MAU2: variants seen among roughly 807,000 people sequenced by gnomAD.
MAU2 encodes the protein MAU2 chromatid cohesion factor homolog.
MAU2 carries 9 observed loss-of-function variants against 89.1 expected under a neutral mutation model. That is an observed-to-expected ratio of 0.10 (90% CI 0.06 to 0.18). The LOEUF (loss-of-function observed/expected upper bound fraction) is 0.18. Among genes scored for constraint, MAU2 ranks in the 10% least tolerant of loss-of-function variants. The pLI, the probability that MAU2 is intolerant of heterozygous loss-of-function variation, is 1.00. For synonymous variants in MAU2, 357 were observed against 343.4 expected (o/e 1.04, Z -0.44); for missense variants, 425 against 803.5 (o/e 0.53, Z 5.69).
Position 19,345,250 on chromosome 19 carries a change from A to C in MAU2, c.1156-54A>C. 6.5e-7 allele frequency: 1 copy of C among 1,527,724 alleles called. No individual in the cohort carries two copies. Among genetic ancestry groups the C allele is most frequent in the East Asian group, 2.3e-5 (1 of 44,258 alleles). 94.6% of individuals were successfully genotyped at this position (1,527,724 alleles called of 1,614,324 possible). A position where few individuals can be genotyped will look rare whatever the true frequency, so the allele number is the denominator to read the frequency against. ...GCCCCGGGCACACCACGTGTCTCTG[A>C]TCTGAGCCCCCTCCCCAGGGGCCGG... On this transcript the variant is annotated intron_variant, in intron 11 of 18. Transcript: ENST00000262815. The surrounding 1 kb of genome is among the most constrained non-coding windows in gnomAD (Gnocchi z 4.9).
intron 1 of MAU2, among the ~76,000 whole-genome samples, chr19:19,332,892 C>T (rs1017580539): frequency 1.3e-5 from 2 of 152,044 alleles, no homozygotes; most frequent in Admixed American, 6.6e-5. Flanking sequence ...GCCTGACCAA[C>T]GTAGAGAAAC....
chr19:19,333,422 G>T (rs188094328), intron 1 of MAU2, among the ~76,000 whole-genome samples: 8 of 152,284 alleles, frequency 5.3e-5, no homozygotes, highest in Admixed American at 2.0e-4. Context: ...GGAGGTCAAG[G>T]CTGCAGTGAG....
At chr19:19,331,860 C>G (rs1002623501) in intron 1 of MAU2, among the ~76,000 whole-genome samples, 3 of 152,230 alleles carry the variant, frequency 2.0e-5, no homozygotes, top group Non-Finnish European at 4.4e-5. Flanking sequence ...CCCATACTGC[C>G]CTTCAGGAAT....
Position 19,341,539 on chromosome 19 carries a change from C to T in MAU2, c.735+132C>T, listed in dbSNP as rs911749288. 1.4e-5 allele frequency: 15 copies of T among 1,074,888 alleles called. No homozygotes were observed. In the African/African-American group the frequency reaches 2.0e-4, roughly 15 times the overall value. The allele number at this position is 1,074,888 out of a possible 1,614,324, so 66.6% of individuals were successfully genotyped here. ...TTGCCACACAACAGGGCTGTCATAC[C>T]AGTCCCGGACACACACACTCCTGTC... On this transcript the variant is annotated intron_variant, in intron 7 of 18. Transcript: ENST00000262815.
chr19:19,345,028 G>C lies in MAU2; in HGVS notation c.1155+102G>C, dbSNP rs2061681956. 1 of 1,057,786 alleles carries C rather than the reference G, an allele frequency of 9.5e-7. No homozygotes were observed. The highest frequency in any genetic ancestry group is 1.4e-6 in the Non-Finnish European group (1 of 701,268). 65.5% of individuals were successfully genotyped at this position (1,057,786 alleles called of 1,614,324 possible). A position where few individuals can be genotyped will look rare whatever the true frequency, so the allele number is the denominator to read the frequency against. On this transcript the variant is annotated intron_variant, in intron 11 of 18. Transcript: ENST00000262815. The surrounding 1 kb of genome is among the most constrained non-coding windows in gnomAD (Gnocchi z 4.9). ...ATTCCCAGTGAAGGACCCCCTGACA[G>C]CACCCTAATCAGAATCCGGAATGTT... is the stretch of plus-strand genomic sequence containing the variant.
At chr19:19,354,694 G>C (rs2048157551) in intron 17 of MAU2, 1 of 536,414 alleles carries the variant, frequency 1.9e-6, no homozygotes, top group Non-Finnish European at 3.4e-6. Context: ...CTTGGTATCT[G>C]GTAGACTTGG....
rs143711701 is a variant in MAU2, at chr19:19,329,160, G to C, written c.277-6558G>C. 523 of 455,136 alleles carry C rather than the reference G, an allele frequency of 1.1e-3. 5 individuals carry two copies. The highest frequency in any genetic ancestry group is 9.9e-3 in the African/African-American group (494 of 50,080). 28.2% of individuals were successfully genotyped at this position (455,136 alleles called of 1,614,324 possible). ...TGAGCCTCTCCTCATCAGGCCCAGC[G>C]TAAGCAGTTCTTTCATTCTTCAGGA... is the stretch of plus-strand genomic sequence containing the variant. On this transcript the variant is annotated intron_variant, in intron 1 of 18. Transcript: ENST00000262815.
At chr19:19,341,061 C>G (rs764423654) in intron 6 of MAU2, among the ~76,000 whole-genome samples, 188 bp downstream of exon 6, 4 of 152,210 alleles carry the variant, frequency 2.6e-5, no homozygotes, top group Non-Finnish European at 4.4e-5. Context: ...GAAACTCAGG[C>G]TGCACCCTAT....
chr19:19,335,718 T>C lies in MAU2; in HGVS notation c.277T>C (p.Trp93Arg). The C allele has an allele frequency of 6.2e-7, 1 of 1,614,132 alleles. No individual in the cohort carries two copies. The highest frequency in any genetic ancestry group is 8.5e-7 in the Non-Finnish European group (1 of 1,179,978). ...AATCGTTGTTTTCTTTCTTTTTCAG[T>C]GGTTGATATCACAGCAAGTATCCTT... is the stretch of plus-strand genomic sequence containing the variant. ...EQARSHLEKAWLISQQIPQFE... is the reference protein window; with the variant it reads ...EQARSHLEKARLISQQIPQFE... Residue 93 changes from tryptophan (W) to arginine (R), a missense_variant and splice_region_variant, in exon 2 of 19, where the codon TGG becomes CGG. Coordinates refer to ENST00000262815, the MANE Select transcript of MAU2 (RefSeq NM_015329.4).
At position 19,345,125 on chromosome 19, in the gene MAU2, C is replaced by T; in HGVS notation, c.1156-179C>T. 4.2e-6 allele frequency: 3 copies of T among 721,398 alleles called. No individual in the cohort carries two copies. The South Asian group carries it at 5.1e-5, about 12-fold the overall frequency. The allele number at this position is 721,398 out of a possible 1,614,324, so 44.7% of individuals were successfully genotyped here. ...CCAGTGAGCATCTTGTCCCACCCCA[C>T]ATTGGCTTGGGTCTGAAAGGTGGGG... On this transcript the variant is annotated intron_variant, in intron 11 of 18. Coordinates refer to ENST00000262815, the MANE Select transcript of MAU2 (RefSeq NM_015329.4). The surrounding 1 kb of genome is among the most constrained non-coding windows in gnomAD (Gnocchi z 4.9).
chr19:19,349,364 G>A lies in MAU2; in HGVS notation c.1476G>A (p.Glu492=), dbSNP rs1159847439. Residue 492 remains glutamate, a synonymous_variant, in exon 16 of 19, where the codon GAG becomes GAA. Transcript: ENST00000262815. ...AAACTCTGAAGATGTCCAATGCTGA[G>A]GACCTGAACCGGCTCACAGCCTGCT... ...LRETLKMSNA[E]DLNRLTACSL... is the part of the protein sequence containing the mutation. 6.2e-7 allele frequency: 1 copy of A among 1,614,198 alleles called. No homozygotes were observed. The highest frequency in any genetic ancestry group is 1.3e-5 in the African/African-American group (1 of 75,068).
chr19:19,338,809 T>G (rs1245226763), intron 4 of MAU2, 36 bp from the exon 5 acceptor site: 1 of 1,534,710 alleles, frequency 6.5e-7, no homozygotes, highest in East Asian at 2.3e-5. Context: ...ACTGATGGGT[T>G]TGGCAGCAAA....
chr19:19,337,399 A>C, intron 4 of MAU2, 134 bp downstream of exon 4: 1 of 664,540 alleles, frequency 1.5e-6, no homozygotes, highest in Non-Finnish European at 2.7e-6. Context: ...GTAGGTGGGG[A>C]CATGGGAACA....
intron 7 of MAU2, 21 bp downstream of exon 7, chr19:19,341,428 G>A (rs377206741): frequency 6.2e-6 from 10 of 1,612,472 alleles, no homozygotes; most frequent in South Asian, 5.5e-5. Context: ...CCTCTCAGGC[G>A]AGCTGCTGGT....
At chr19:19,339,187 C>T (rs914229013) in intron 5 of MAU2, among the ~76,000 whole-genome samples, 5 of 152,178 alleles carry the variant, frequency 3.3e-5, no homozygotes, top group African/African-American at 9.7e-5. Context: ...CAGTGGCTTA[C>T]GCCTGTAATC....
At position 19,320,923 on chromosome 19, in the gene MAU2, G is replaced by A. The variant is rs760711935; in HGVS notation, c.64G>A (p.Ala22Thr). 6 of 1,562,270 alleles carry A rather than the reference G, an allele frequency of 3.8e-6. No individual in the cohort carries two copies. The highest frequency in any genetic ancestry group is 1.9e-5 in the Admixed American group (1 of 52,558). ...GGCCCAGGCTGCGCAGGCCGAGGCG[G>A]CCGACTCGTGGTACCTGGCGCTTCT... ...AAAQAAQAEA[A>T]DSWYLALLGF... is the part of the protein sequence containing the mutation. The change falls in exon 1 of 19, where the codon GCC (alanine) becomes ACC (threonine). Residue 22 changes from alanine to threonine, a missense_variant. This residue lies in a region of MAU2 where 61 missense variants were observed against 40.1 expected (regional missense o/e 1.52). Coordinates refer to ENST00000262815, the MANE Select transcript of MAU2 (RefSeq NM_015329.4).
rs1214844931 is a variant in MAU2 at position 19,320,868 on chromosome 19, T to TCAGGCGGCGGCAGCGGCC, written c.21_38dup (p.Ala9_Ala14dup). On this transcript the variant is annotated inframe_insertion, in exon 1 of 19. Coordinates refer to ENST00000262815, the MANE Select transcript of MAU2 (RefSeq NM_015329.4). ...TTGTTGTGGAGGCCAAAATGGCGGC[T>TCAGGCGGCGGCAGCGGCC]CAGGCGGCGGCAGCGGCCCAGGCGG... 26 of 1,518,600 alleles carry TCAGGCGGCGGCAGCGGCC rather than the reference T, an allele frequency of 1.7e-5. No individual in the cohort carries two copies. The highest frequency in any genetic ancestry group is 5.7e-5 in the African/African-American group (4 of 69,678). The allele number at this position is 1,518,600 out of a possible 1,614,324, so 94.1% of individuals were successfully genotyped here.
chr19:19,350,297 G>GA (rs60619538), intron 16 of MAU2, among the ~76,000 whole-genome samples: 112,452 of 130,298 alleles, frequency 0.86, 48,477 homozygotes, highest in East Asian at 0.99. Flanking sequence ...CTCTGTCTCA[G>GA]AAAAAAAAAA....
rs1383516746 is a variant in MAU2, at chr19:19,357,792, T to G, written c.*2010T>G. On this transcript the variant is annotated 3_prime_UTR_variant, in exon 19 of 19. Transcript: ENST00000262815. ...CTACTCGAGCTTTATGGAAGCCAAA[T>G]CATGTGCATGTGTGTGTGTGCGTGT... 4 of 152,078 alleles carry G rather than the reference T, an allele frequency of 2.6e-5. No individual in the cohort carries two copies. The highest frequency in any genetic ancestry group is 5.9e-5 in the Non-Finnish European group (4 of 68,002). 9.4% of individuals were successfully genotyped at this position (152,078 alleles called of 1,614,324 possible). A position where few individuals can be genotyped will look rare whatever the true frequency, so the allele number is the denominator to read the frequency against.
Sources: gnomAD v4.1 joint callset for allele counts (sites outside exome capture counted in the v4.1 genomes callset) on GRCh38, gnomAD v4.1.1 for gene constraint, gnomAD v4.1.1 regional missense constraint, Gnocchi (gnomAD v3.1) non-coding constraint, MANE v1.5 for transcripts, NCBI Gene and HGNC (gene_info 2026-07-23, HGNC 2026-07-21) for gene names.